NKAIN2: variants seen among roughly 807,000 people sequenced by gnomAD.
The protein encoded by NKAIN2 is sodium/potassium-transporting ATPase subunit beta-1-interacting protein 2.
A neutral mutation model predicts 32.6 loss-of-function variants in NKAIN2; 14 were observed. The observed-to-expected ratio is 0.43, with a 90% CI of 0.28 to 0.67. The LOEUF is 0.67. Among genes scored for constraint, NKAIN2 ranks in the 30% least tolerant of loss-of-function variants. The probability of loss-of-function intolerance (pLI) is 0.17; values close to 1 mark genes in which losing one functional copy is unlikely to be tolerated. For synonymous variants in NKAIN2, 80 were observed against 87.2 expected (o/e 0.92, Z 0.46); for missense variants, 198 against 258.3 (o/e 0.77, Z 1.60).
rs112332350 is a variant in NKAIN2, at chr6:124,251,417, A to G, written c.55-31588A>G. 2.0e-3 allele frequency among the ~76,000 whole-genome samples: 306 copies of G among 152,120 alleles called. 3 individuals are homozygous for G. Among genetic ancestry groups the G allele is most frequent in the African/African-American group, 6.9e-3 (287 of 41,554 alleles). ...AGAGAAGAAAAGACATGTCAAGCCCAGAAGAAGTTATTTCAACAACATAAT... is the reference window on the plus strand; with the variant it reads ...AGAGAAGAAAAGACATGTCAAGCCCGGAAGAAGTTATTTCAACAACATAAT... On this transcript the variant is annotated intron_variant, in intron 1 of 6. Coordinates refer to ENST00000368417, the MANE Select transcript of NKAIN2 (RefSeq NM_001040214.3).
At chr6:124,615,713 G>A (rs919092958) in intron 3 of NKAIN2, among the ~76,000 whole-genome samples, 3 of 151,812 alleles carry the variant, frequency 2.0e-5, no homozygotes, top group Admixed American at 2.0e-4. Context: ...TCTTCTTTTG[G>A]GATTGCAATT....
At chr6:124,622,685 TGGGGAGCTGGAA>T (rs573816552) in intron 3 of NKAIN2, among the ~76,000 whole-genome samples, 59 of 152,196 alleles carry the variant, frequency 3.9e-4, no homozygotes, top group African/African-American at 1.4e-3. Context: ...GCAGGGTGGA[TGGGGAGCTGGAA>T]GGGGAGATGG....
At chr6:124,273,979 G>A (rs1325633092) in intron 1 of NKAIN2, among the ~76,000 whole-genome samples, 1 of 152,150 alleles carries the variant, frequency 6.6e-6, no homozygotes, top group Admixed American at 6.6e-5. Context: ...AAAATTATAG[G>A]CTCTGTGGAG....
At chr6:124,712,960 T>C (rs964691299) in intron 4 of NKAIN2, among the ~76,000 whole-genome samples, 1 of 152,128 alleles carries the variant, frequency 6.6e-6, no homozygotes, top group Non-Finnish European at 1.5e-5. Context: ...ATTATAGAGT[T>C]TTTTTTCTCA....
At position 124,301,568 on chromosome 6, in the gene NKAIN2, G is replaced by A. The variant is rs112998054; in HGVS notation, c.192+18426G>A. 4.6e-3 allele frequency among the ~76,000 whole-genome samples: 707 copies of A among 152,266 alleles called. 6 individuals carry two copies. The highest frequency in any genetic ancestry group is 0.016 in the African/African-American group (674 of 41,546). On this transcript the variant is annotated intron_variant, in intron 2 of 6. Transcript: ENST00000368417. ...ACACTCAACACCAGCCCCTGAAAGC[G>A]GCTAGGAGGGCTGCTGTACCCTGCA...
chr6:124,773,712 T>C (rs1321613901), intron 4 of NKAIN2, among the ~76,000 whole-genome samples: 1 of 152,112 alleles, frequency 6.6e-6, no homozygotes, highest in Non-Finnish European at 1.5e-5. Flanking sequence ...AGAAACACAA[T>C]AAAAGGGACT....
intron 1 of NKAIN2, among the ~76,000 whole-genome samples, chr6:124,252,640 T>C (rs1793738316): frequency 6.6e-6 from 1 of 152,136 alleles, no homozygotes; most frequent in African/African-American, 2.4e-5. Flanking sequence ...AGGTGACAAT[T>C]AGACATTAGT....
intron 5 of NKAIN2, among the ~76,000 whole-genome samples, chr6:124,805,279 T>A (rs1780485710): frequency 6.6e-6 from 1 of 152,110 alleles, no homozygotes; most frequent in Non-Finnish European, 1.5e-5. Flanking sequence ...GGCCGGGTAC[T>A]CCTCTGAGAC....
At chr6:124,771,400 A>G (rs1778749241) in intron 4 of NKAIN2, among the ~76,000 whole-genome samples, 1 of 152,200 alleles carries the variant, frequency 6.6e-6, no homozygotes, top group South Asian at 2.1e-4. Flanking sequence ...GTGTTTTCCT[A>G]GGATATGTCT....
rs1414132321 is a variant in NKAIN2, at chr6:123,804,132, T to C, written c.-69T>C. 4 of 1,410,790 alleles carry C rather than the reference T, an allele frequency of 2.8e-6. No homozygotes were observed. The highest frequency in any genetic ancestry group is 1.7e-5 in the Admixed American group (1 of 59,690). The allele number at this position is 1,410,790 out of a possible 1,614,324, so 87.4% of individuals were successfully genotyped here. A position where few individuals can be genotyped will look rare whatever the true frequency, so the allele number is the denominator to read the frequency against. On this transcript the variant is annotated 5_prime_UTR_variant, in exon 1 of 7. Transcript: ENST00000368417. The stretch of plus-strand genomic sequence containing the variant: ...TTGCGTGTCCTTCCCCGCGATCTGA[T>C]TGGATAAAGTGGGGGCTCGACGGTG...
At chr6:124,178,461 C>A (rs1352954288) in intron 1 of NKAIN2, among the ~76,000 whole-genome samples, 1 of 151,958 alleles carries the variant, frequency 6.6e-6, no homozygotes, top group African/African-American at 2.4e-5. Context: ...CCATGCCCGG[C>A]TAATTTTTTG....
chr6:124,689,334 G>A (rs1044029267), intron 4 of NKAIN2, among the ~76,000 whole-genome samples: 1 of 152,054 alleles, frequency 6.6e-6, no homozygotes, highest in Non-Finnish European at 1.5e-5. Flanking sequence ...AGTTTTAAGA[G>A]TTCATTGTGT....
At chr6:124,729,628 A>G (rs930683686) in intron 4 of NKAIN2, among the ~76,000 whole-genome samples, 173 of 151,782 alleles carry the variant, frequency 1.1e-3, no homozygotes, top group Non-Finnish European at 1.3e-3. Flanking sequence ...AACTGGAAGC[A>G]TTCCCTTTGA....
chr6:124,427,883 A>G (rs982402887), intron 3 of NKAIN2, among the ~76,000 whole-genome samples: 3 of 152,314 alleles, frequency 2.0e-5, no homozygotes, highest in South Asian at 4.1e-4. Context: ...GCACAGCTAC[A>G]TGTTGGCAAT....
intron 1 of NKAIN2, among the ~76,000 whole-genome samples, chr6:123,986,020 C>A (rs1324896613): frequency 1.3e-5 from 2 of 152,114 alleles, no homozygotes; most frequent in Admixed American, 6.5e-5. Flanking sequence ...AATTTACTTA[C>A]AATTTTATAA....
chr6:124,589,980 A>G (rs1781849549), intron 3 of NKAIN2, among the ~76,000 whole-genome samples: 1 of 152,052 alleles, frequency 6.6e-6, no homozygotes, highest in South Asian at 2.1e-4. Context: ...TATGCAGCAA[A>G]ATTCTTTTGC....
At chr6:124,409,987 G>C (rs540261972) in intron 3 of NKAIN2, among the ~76,000 whole-genome samples, 1,824 of 152,268 alleles carry the variant, frequency 0.012, 29 homozygotes, top group African/African-American at 0.042. Flanking sequence ...GCATAGAGGT[G>C]TTTATAGTAT....
intron 1 of NKAIN2, among the ~76,000 whole-genome samples, chr6:124,156,552 G>A (rs2114423869): frequency 6.6e-6 from 1 of 152,234 alleles, no homozygotes; most frequent in South Asian, 2.1e-4. Context: ...AAGAAGTTCA[G>A]TGTATCTGAA....
intron 2 of NKAIN2, among the ~76,000 whole-genome samples, chr6:124,288,597 A>G (rs1795665670): frequency 6.6e-6 from 1 of 152,166 alleles, no homozygotes; most frequent in Admixed American, 6.6e-5. Context: ...TTAGAATGGC[A>G]TGTTATTCTT....
Sources: allele counts gnomAD v4.1 joint callset (sites outside exome capture counted in the v4.1 genomes callset), GRCh38; gene constraint gnomAD v4.1.1; transcripts MANE v1.5; gene names NCBI Gene and HGNC (gene_info 2026-07-23, HGNC 2026-07-21).